The following EFHD1 variants were observed in gnomAD, a reference collection of about 807,000 sequenced individuals.
The protein encoded by EFHD1 is EF-hand domain-containing protein D1.
In EFHD1, 10 loss-of-function variants were observed where a neutral mutation model predicts 17.2. The observed-to-expected ratio is 0.58, with a 90% CI of 0.36 to 0.99. The LOEUF (loss-of-function observed/expected upper bound fraction) is 0.99. EFHD1 is among the 50% of genes least tolerant of loss of function. The probability of loss-of-function intolerance (pLI) is 0.01; values close to 1 mark genes in which losing one functional copy is unlikely to be tolerated. For synonymous variants in EFHD1, 153 were observed against 142.0 expected (o/e 1.08, Z -0.55); for missense variants, 310 against 327.5 (o/e 0.95, Z 0.41).
intron 1 of EFHD1, among the ~76,000 whole-genome samples, chr2:232,646,412 C>G: frequency 7.1e-6 from 1 of 140,980 alleles, no homozygotes; most frequent in East Asian, 2.1e-4. Context: ...ATTGCTGATT[C>G]TCTCTTTTCT....
chr2:232,656,724 A>C (rs1694768794), intron 1 of EFHD1, among the ~76,000 whole-genome samples: 2 of 151,924 alleles, frequency 1.3e-5, no homozygotes, highest in African/African-American at 2.4e-5. Flanking sequence ...GGCATGCACC[A>C]CTGCTCCCAG....
chr2:232,632,336 C>T (rs1448836221), upstream of EFHD1, among the ~76,000 whole-genome samples: 25 of 152,236 alleles, frequency 1.6e-4, 1 homozygote, highest in Non-Finnish European at 7.3e-5. Context: ...GCATGCCCTG[C>T]ACTCGCATGC....
In EFHD1 at chr2:232,681,695, A is replaced by G; in HGVS notation, c.696A>G (p.Lys232=). 6.2e-7 allele frequency: 1 copy of G among 1,614,144 alleles called. No homozygotes were observed. Among genetic ancestry groups the G allele is most frequent in the Non-Finnish European group, 8.5e-7 (1 of 1,180,016 alleles). The change falls in exon 4 of 4, where the codon AAA becomes AAG. Residue 232 remains lysine, a synonymous_variant. Transcript: ENST00000264059. ...GGCTCCGCCAGGCAGCCTTCCAGAA[A>G]CTCAAGGCCAACTTCAATACATAGT... ...ERRLRQAAFQ[K]LKANFNT
At chr2:232,615,289 T>C (rs1574699648) in intron 1 of EFHD1, among the ~76,000 whole-genome samples, 1 of 151,304 alleles carries the variant, frequency 6.6e-6, no homozygotes, top group Middle Eastern at 3.4e-3. Flanking sequence ...CTTAACCCCC[T>C]GCATTGTTCA....
intron 1 of EFHD1, among the ~76,000 whole-genome samples, chr2:232,613,609 C>CAT (rs1693846500): frequency 2.4e-5 from 3 of 127,156 alleles, no homozygotes; most frequent in African/African-American, 8.7e-5. Flanking sequence ...GAACCACACA[C>CAT]ACACACACAC....
rs777963694 is a variant in EFHD1, at chr2:232,662,904, C to G, written c.405C>G (p.Ile135Met). 2.5e-6 allele frequency: 4 copies of G among 1,595,866 alleles called. No individual in the cohort carries two copies. In the East Asian group the frequency reaches 9.3e-5, roughly 37 times the overall value. Reference sequence around the variant, plus strand: ...CCCACCTGGGCCTGAAGAGCATGATCAAGGAGGTGGATGAGGACTTCGATG... The same window carrying G: ...CCCACCTGGGCCTGAAGAGCATGATGAAGGAGGTGGATGAGGACTTCGATG... The part of the protein sequence containing the change: ...PQTHLGLKSM[I>M]KEVDEDFDGK... The change falls in exon 2 of 4, where the codon ATC becomes ATG. Residue 135 changes from isoleucine to methionine, a missense_variant. By Grantham distance (10) the Ile-to-Met change is conservative. Transcript: ENST00000264059.
intron 1 of EFHD1, among the ~76,000 whole-genome samples, chr2:232,661,172 C>CA (rs1694861477): frequency 6.6e-6 from 1 of 151,598 alleles, no homozygotes; most frequent in South Asian, 2.1e-4. Flanking sequence ...AACAAAAAAA[C>CA]AAAACCTCTG....
intron 1 of EFHD1, among the ~76,000 whole-genome samples, chr2:232,656,762 T>C (rs768266778): frequency 1.1e-4 from 17 of 152,008 alleles, no homozygotes; most frequent in Non-Finnish European, 2.2e-4. Context: ...TTAAAAATTG[T>C]GGTGAGATAT....
chr2:232,634,750 C>A (rs113334797), intron 1 of EFHD1, among the ~76,000 whole-genome samples: 23 of 152,332 alleles, frequency 1.5e-4, no homozygotes, highest in African/African-American at 5.3e-4. Flanking sequence ...CTGGAACCTC[C>A]GGGGATCTCA....
At chr2:232,614,479 C>A (rs1050678501) in intron 1 of EFHD1, among the ~76,000 whole-genome samples, 1 of 152,170 alleles carries the variant, frequency 6.6e-6, no homozygotes, top group Non-Finnish European at 1.5e-5. Context: ...AGCTTCTCTT[C>A]CTTACAATTT....
At chr2:232,633,462 C>T, upstream of EFHD1, 1 of 1,231,296 alleles carries the variant, frequency 8.1e-7, no homozygotes, top group South Asian at 3.3e-5. Context: ...CGCGCAGACA[C>T]CCAGACACCG....
intron 1 of EFHD1, among the ~76,000 whole-genome samples, chr2:232,619,474 C>G (rs949238479): frequency 1.4e-4 from 22 of 151,728 alleles, no homozygotes; most frequent in African/African-American, 5.1e-4. Flanking sequence ...CCATGCCCGG[C>G]TAATTTTTGT....
chr2:232,672,164 G>C, intron 2 of EFHD1, 145 bp from the exon 3 acceptor site: 3 of 1,107,590 alleles, frequency 2.7e-6, no homozygotes, highest in South Asian at 2.7e-5. Context: ...TTGACAATCT[G>C]ATGAGGGAAA....
intron 1 of EFHD1, among the ~76,000 whole-genome samples, chr2:232,623,683 AAAAAAAAAAAAGAAG>A (rs1559339075): frequency 8.1e-6 from 1 of 122,768 alleles, no homozygotes; most frequent in East Asian, 2.2e-4. Flanking sequence ...CAAAAAAAAA[AAAAAAAAAAAAGAAG>A]AAGAAGAAGA....
intron 1 of EFHD1, among the ~76,000 whole-genome samples, chr2:232,613,627 CACACAT>C (rs1190704375): frequency 7.2e-6 from 1 of 138,106 alleles, no homozygotes; most frequent in Non-Finnish European, 1.6e-5. Context: ...CACACACACA[CACACAT>C]ATACACACAC....
At chr2:232,659,142 C>T (rs144021843) in intron 1 of EFHD1, among the ~76,000 whole-genome samples, 5 of 152,218 alleles carry the variant, frequency 3.3e-5, no homozygotes, top group East Asian at 3.9e-4. Context: ...TCATCCTTCA[C>T]GGTTCCTCAA....
chr2:232,626,874 T>C (rs1694110529), intron 1 of EFHD1, among the ~76,000 whole-genome samples: 1 of 151,710 alleles, frequency 6.6e-6, no homozygotes, highest in Non-Finnish European at 1.5e-5. Context: ...AACAATAAAA[T>C]GTGAGCTTCA....
intron 2 of EFHD1, among the ~76,000 whole-genome samples, chr2:232,664,807 G>T (rs1694940910): frequency 6.6e-6 from 1 of 150,814 alleles, no homozygotes; most frequent in African/African-American, 2.4e-5. Flanking sequence ...TAGAGACGGG[G>T]TTTCACCATG....
chr2:232,610,053 T>C (rs769358289), intron 1 of EFHD1, among the ~76,000 whole-genome samples: 8 of 152,184 alleles, frequency 5.3e-5, no homozygotes, highest in Non-Finnish European at 8.8e-5. Context: ...AGGAGAGGGC[T>C]CAGGGCACAG....
Sources: allele counts gnomAD v4.1 joint callset (sites outside exome capture counted in the v4.1 genomes callset), GRCh38; gene constraint gnomAD v4.1.1; transcripts MANE v1.5; gene names NCBI Gene and HGNC (gene_info 2026-07-23, HGNC 2026-07-21).